Variants in PRR16 observed in about 807,000 individuals in gnomAD.
PRR16 encodes the protein protein Largen.
PRR16 carries 6 observed loss-of-function variants against 18.2 expected under a neutral mutation model. That is an observed-to-expected ratio of 0.33 (90% CI 0.18 to 0.65). PRR16 has a LOEUF of 0.65. Among genes scored for constraint, PRR16 ranks in the 30% least tolerant of loss-of-function variants. PRR16 has a pLI of 0.74. For synonymous variants in PRR16, 151 were observed against 147.8 expected (o/e 1.02, Z -0.16); for missense variants, 412 against 376.6 (o/e 1.09, Z -0.78).
At chr5:120,493,181 T>C (rs2112830939) in intron 1 of PRR16, among the ~76,000 whole-genome samples, 1 of 152,110 alleles carries the variant, frequency 6.6e-6, no homozygotes, top group South Asian at 2.1e-4. Flanking sequence ...ACCAGCAGTG[T>C]AAAATGGTTC....
intron 1 of PRR16, among the ~76,000 whole-genome samples, chr5:120,543,926 A>T (rs775397144): frequency 6.6e-6 from 1 of 152,218 alleles, no homozygotes; most frequent in Non-Finnish European, 1.5e-5. Context: ...ACCTCTAAGG[A>T]GTGTGTTGGC....
chr5:120,711,596 C>T, the PRR16 span, among the ~76,000 whole-genome samples: 460 of 152,228 alleles, frequency 3.0e-3, 3 homozygotes, highest in African/African-American at 0.011. Context: ...CTTAGATATG[C>T]GATCTGGGCC....
At chr5:120,524,155 G>T (rs998746262) in intron 1 of PRR16, among the ~76,000 whole-genome samples, 5 of 152,114 alleles carry the variant, frequency 3.3e-5, no homozygotes, top group African/African-American at 1.2e-4. Context: ...CTGGAACCAG[G>T]ATTTCAACAC....
At chr5:120,766,925 C>A in the PRR16 span, among the ~76,000 whole-genome samples, 2 of 151,842 alleles carry the variant, frequency 1.3e-5, no homozygotes, top group African/African-American at 4.8e-5. Flanking sequence ...TTTATCTCCT[C>A]CTCAGTGGTG....
intron 1 of PRR16, among the ~76,000 whole-genome samples, chr5:120,484,453 T>C (rs145538429): frequency 1.5e-3 from 212 of 145,202 alleles, no homozygotes; most frequent in Non-Finnish European, 3.0e-4. Context: ...GTTAGATATA[T>C]TTTATATCTA....
chr5:120,766,716 T>C, the PRR16 span, among the ~76,000 whole-genome samples: 2 of 151,908 alleles, frequency 1.3e-5, no homozygotes, highest in African/African-American at 2.4e-5. Context: ...AATTATAGAG[T>C]TGGGTATACA....
chr5:120,691,244 T>C (rs911111983), downstream of PRR16, among the ~76,000 whole-genome samples: 16 of 152,290 alleles, frequency 1.1e-4, 1 homozygote, highest in Admixed American at 4.6e-4. Context: ...GTGTTCTTCA[T>C]AGCCCCGAAC....
intron 1 of PRR16, among the ~76,000 whole-genome samples, chr5:120,615,946 G>T (rs1038738875): frequency 1.3e-5 from 2 of 152,092 alleles, no homozygotes; most frequent in Non-Finnish European, 2.9e-5. Context: ...TTATTCAAAT[G>T]TATAATTTTG....
the PRR16 span, among the ~76,000 whole-genome samples, chr5:120,768,909 C>T: frequency 9.9e-5 from 15 of 151,722 alleles, no homozygotes; most frequent in African/African-American, 1.7e-4. Context: ...TTAATTAAAA[C>T]GATGTCATTC....
intron 1 of PRR16, among the ~76,000 whole-genome samples, chr5:120,496,647 G>T: frequency 6.6e-6 from 1 of 151,360 alleles, no homozygotes; most frequent in East Asian, 2.0e-4. Flanking sequence ...TTTTTTTGAA[G>T]AAAAAGGGCT....
At chr5:120,561,387 G>C (rs1752569474) in intron 1 of PRR16, among the ~76,000 whole-genome samples, 13 of 151,934 alleles carry the variant, frequency 8.6e-5, no homozygotes, top group Admixed American at 8.5e-4. Context: ...GGTCATTCAT[G>C]AGTGTATTGT....
rs185979340 is a variant in PRR16 at position 120,631,285 on chromosome 5, C to T, written c.160-54669C>T. ...AGCTTGTGGAGACTTACATCGTGAA[C>T]TTTTGCACCAAGAACTACTGCAGGA... is the stretch of plus-strand genomic sequence containing the variant. On this transcript the variant is annotated intron_variant, in intron 1 of 1. Coordinates refer to ENST00000407149, the MANE Select transcript of PRR16 (RefSeq NM_001300783.2). Among the ~76,000 whole-genome samples, 375 of 152,156 alleles carry T rather than the reference C, an allele frequency of 2.5e-3. 1 individual carries two copies. Among genetic ancestry groups the T allele is most frequent in the Middle Eastern group, 6.8e-3 (2 of 294 alleles).
At chr5:120,519,152 A>G (rs1751092200) in intron 1 of PRR16, among the ~76,000 whole-genome samples, 1 of 152,012 alleles carries the variant, frequency 6.6e-6, no homozygotes, top group South Asian at 2.1e-4. Flanking sequence ...ATGGAGAGAG[A>G]ATCTAGACCC....
At chr5:120,727,895 A>G in the PRR16 span, among the ~76,000 whole-genome samples, 1 of 152,038 alleles carries the variant, frequency 6.6e-6, no homozygotes, top group African/African-American at 2.4e-5. Context: ...AAATGCTTGA[A>G]CATTCTTACA....
chr5:120,756,336 G>A, the PRR16 span, among the ~76,000 whole-genome samples: 1 of 152,096 alleles, frequency 6.6e-6, no homozygotes, highest in Admixed American at 6.6e-5. Flanking sequence ...GGAAGTTGGT[G>A]TGAATTGGCC....
At chr5:120,779,192 C>T in the PRR16 span, among the ~76,000 whole-genome samples, 2 of 152,156 alleles carry the variant, frequency 1.3e-5, no homozygotes, top group Admixed American at 1.3e-4. Flanking sequence ...CATTTCACAG[C>T]GCTCTCCAAT....
At chr5:120,681,074 G>T (rs929273078) in intron 1 of PRR16, among the ~76,000 whole-genome samples, 1 of 152,042 alleles carries the variant, frequency 6.6e-6, no homozygotes, top group Non-Finnish European at 1.5e-5. Flanking sequence ...TTGTCTTTCT[G>T]TGTCTCTTTT....
At chr5:120,613,691 C>A (rs1754407762) in intron 1 of PRR16, among the ~76,000 whole-genome samples, 1 of 152,088 alleles carries the variant, frequency 6.6e-6, no homozygotes, top group Non-Finnish European at 1.5e-5. Flanking sequence ...TATTCTAGTA[C>A]TTTTAAAATA....
chr5:120,674,574 T>C (rs1018715998), intron 1 of PRR16, among the ~76,000 whole-genome samples: 1 of 152,206 alleles, frequency 6.6e-6, no homozygotes, highest in Admixed American at 6.5e-5. Context: ...TTTGTATTTT[T>C]TTCTGAGTGT....
Sources: gnomAD v4.1 joint callset for allele counts (sites outside exome capture counted in the v4.1 genomes callset) on GRCh38, gnomAD v4.1.1 for gene constraint, MANE v1.5 for transcripts, NCBI Gene and HGNC (gene_info 2026-07-23, HGNC 2026-07-21) for gene names.